ASIC2: variants seen among roughly 807,000 people sequenced by gnomAD.
ASIC2 encodes the protein acid-sensing ion channel 2.
ASIC2 carries 25 observed loss-of-function variants against 57.3 expected under a neutral mutation model. The observed-to-expected ratio is 0.44, with a 90% CI of 0.32 to 0.61. The LOEUF is 0.61. ASIC2 is among the 20% of genes least tolerant of loss of function. The probability of loss-of-function intolerance (pLI) is 0.06; values close to 1 mark genes in which losing one functional copy is unlikely to be tolerated. For synonymous variants in ASIC2, 319 were observed against 307.5 expected, an observed-to-expected ratio of 1.04 and a Z score of -0.39; for missense variants, 641 against 738.1, an observed-to-expected ratio of 0.87 and a Z score of 1.52.
At chr17:33,339,894 T>A (rs887176451) in intron 1 of ASIC2, among the ~76,000 whole-genome samples, 1 of 152,090 alleles carries the variant, frequency 6.6e-6, no homozygotes, top group African/African-American at 2.4e-5. Context: ...GTTAGCAAAA[T>A]CCATCACCCG....
intron 1 of ASIC2, among the ~76,000 whole-genome samples, chr17:33,624,854 TACATCTGTTCACCTTCAC>T (rs1291931633): frequency 6.6e-6 from 1 of 152,218 alleles, no homozygotes; most frequent in Non-Finnish European, 1.5e-5. Flanking sequence ...GCATCCATCA[TACATCTGTTCACCTTCAC>T]TAAGAACATT....
intron 1 of ASIC2, among the ~76,000 whole-genome samples, chr17:33,849,203 C>T (rs1343398782): frequency 1.3e-5 from 2 of 152,162 alleles, no homozygotes; most frequent in Non-Finnish European, 2.9e-5. Context: ...TGAGTCCCCG[C>T]CTGCTAGGAG....
chr17:34,017,196 T>C (rs1273313220), intron 1 of ASIC2, among the ~76,000 whole-genome samples: 1 of 152,248 alleles, frequency 6.6e-6, no homozygotes, highest in Non-Finnish European at 1.5e-5. Context: ...TTCAAACTTT[T>C]TCATTACCAT....
intron 1 of ASIC2, among the ~76,000 whole-genome samples, chr17:33,370,432 A>G (rs539721303): frequency 1.6e-4 from 24 of 152,348 alleles, no homozygotes; most frequent in Admixed American, 3.9e-4. Context: ...GAGAATCAAC[A>G]TAAGGGGAAA....
chr17:33,274,960 G>A (rs938618083), intron 1 of ASIC2, among the ~76,000 whole-genome samples: 3 of 152,064 alleles, frequency 2.0e-5, no homozygotes, highest in Non-Finnish European at 4.4e-5. Context: ...CCTAGTACCT[G>A]AGGACAGACA....
At chr17:33,990,442 G>A (rs1440613371) in intron 1 of ASIC2, among the ~76,000 whole-genome samples, 1 of 152,242 alleles carries the variant, frequency 6.6e-6, no homozygotes, top group Non-Finnish European at 1.5e-5. Context: ...CATTTGGAAA[G>A]CAAAGGACTA....
At chr17:33,520,046 T>G (rs530159811) in intron 1 of ASIC2, among the ~76,000 whole-genome samples, 3 of 152,196 alleles carry the variant, frequency 2.0e-5, no homozygotes, top group Non-Finnish European at 2.9e-5. Context: ...ATTATTGCCA[T>G]TCCTTGCTAT....
At chr17:33,957,117 G>A (rs1019558437) in intron 1 of ASIC2, among the ~76,000 whole-genome samples, 3 of 152,184 alleles carry the variant, frequency 2.0e-5, no homozygotes, top group African/African-American at 2.4e-5. Context: ...ACCTCCAGGA[G>A]GGAATTCTCA....
intron 1 of ASIC2, among the ~76,000 whole-genome samples, chr17:34,029,516 T>C (rs1907511795): frequency 6.6e-6 from 1 of 152,174 alleles, no homozygotes. Flanking sequence ...AATTCTACTC[T>C]CCCAAAATTC....
chr17:33,556,219 T>C (rs1380170969), intron 1 of ASIC2, among the ~76,000 whole-genome samples: 1 of 152,196 alleles, frequency 6.6e-6, no homozygotes, highest in Non-Finnish European at 1.5e-5. Flanking sequence ...CTTGGACTTC[T>C]GCCAAGGGGA....
intron 1 of ASIC2, among the ~76,000 whole-genome samples, chr17:33,522,190 C>T (rs866223227): frequency 6.6e-6 from 1 of 152,216 alleles, no homozygotes; most frequent in Non-Finnish European, 1.5e-5. Flanking sequence ...CTGCTCAGTA[C>T]CCCCTCGTGG....
intron 1 of ASIC2, among the ~76,000 whole-genome samples, chr17:33,113,764 T>C (rs188012897): frequency 1.1e-3 from 169 of 152,378 alleles, no homozygotes; most frequent in Non-Finnish European, 2.0e-3. Context: ...CTTTACCTAT[T>C]GTGCGGAGGA....
chr17:33,460,067 A>C (rs1206508925), intron 1 of ASIC2, among the ~76,000 whole-genome samples: 1 of 151,910 alleles, frequency 6.6e-6, no homozygotes, highest in African/African-American at 2.4e-5. Context: ...ACTAGCTAGT[A>C]GTTTATGCTC....
intron 1 of ASIC2, among the ~76,000 whole-genome samples, chr17:33,233,457 G>A (rs562687118): frequency 1.3e-5 from 2 of 150,906 alleles, no homozygotes; most frequent in East Asian, 2.0e-4. Flanking sequence ...ACATACACAC[G>A]AACTCTTTCC....
chr17:34,012,368 G>A (rs1906800948), intron 1 of ASIC2, among the ~76,000 whole-genome samples: 2 of 152,158 alleles, frequency 1.3e-5, no homozygotes, highest in South Asian at 4.2e-4. Context: ...CTTCTCTGGT[G>A]CCACTCCCTT....
chr17:33,269,671 C>CTTCCTTCCTTCTTTCCTTTT (rs1567805227), intron 1 of ASIC2, among the ~76,000 whole-genome samples: 1 of 72,902 alleles, frequency 1.4e-5, no homozygotes, highest in Non-Finnish European at 3.0e-5. Context: ...TCCTTCCTTC[C>CTTCCTTCCTTCTTTCCTTTT]TTCCCTCCCT....
At chr17:33,805,300 C>T (rs1203329915) in intron 1 of ASIC2, among the ~76,000 whole-genome samples, 2 of 152,120 alleles carry the variant, frequency 1.3e-5, no homozygotes, top group Non-Finnish European at 2.9e-5. Context: ...TGTTGATTGA[C>T]CCAGGTTCTC....
chr17:33,522,827 T>G lies in ASIC2; in HGVS notation c.556-410760A>C, dbSNP rs549973406. On this transcript the variant is annotated intron_variant, in intron 1 of 9. Coordinates refer to the ASIC2 transcript ENST00000359872. ...CCACCTCCAGTGCAGACACAGACACTGAAGCCGTGTGGCATCGCAATATCC... is the reference window on the plus strand; with the variant it reads ...CCACCTCCAGTGCAGACACAGACACGGAAGCCGTGTGGCATCGCAATATCC... Among the ~76,000 whole-genome samples, 127 of 152,310 alleles carry G rather than the reference T, an allele frequency of 8.3e-4. 1 individual carries two copies. Among genetic ancestry groups the G allele is most frequent in the Non-Finnish European group, 1.4e-3 (94 of 68,036 alleles).
At chr17:33,854,247 A>G (rs1242094865) in intron 1 of ASIC2, among the ~76,000 whole-genome samples, 46 of 152,144 alleles carry the variant, frequency 3.0e-4, no homozygotes, top group Admixed American at 3.0e-3. Flanking sequence ...GTAGGCATGC[A>G]TGCATGTCAG....
Sources: allele counts gnomAD v4.1 joint callset (sites outside exome capture counted in the v4.1 genomes callset), GRCh38; gene constraint gnomAD v4.1.1; transcripts MANE v1.5; gene names NCBI Gene and HGNC (gene_info 2026-07-23, HGNC 2026-07-21).